PKIB: variants seen among roughly 807,000 people sequenced by gnomAD.
The protein encoded by PKIB is cAMP-dependent protein kinase inhibitor beta.
PKIB carries 2 observed loss-of-function variants against 4.5 expected under a neutral mutation model. The ratio of observed to expected loss-of-function variants is 0.44; its 90% CI spans 0.18 to 1.39. PKIB has a LOEUF of 1.39. PKIB is among the 40% of genes most tolerant of loss of function. The pLI is 0.27. For synonymous variants in PKIB, 38 were observed against 36.0 expected (o/e 1.06, Z -0.20); for missense variants, 94 against 92.6 (o/e 1.02, Z -0.06).
chr6:122,476,135 G>GC (rs940648980), intron 1 of PKIB, among the ~76,000 whole-genome samples: 2 of 151,842 alleles, frequency 1.3e-5, no homozygotes, highest in Non-Finnish European at 1.5e-5. Flanking sequence ...AAACATCTTG[G>GC]CCCCCCCACA....
At chr6:122,635,709 G>T (rs1775894190) in intron 2 of PKIB, among the ~76,000 whole-genome samples, 2 of 152,128 alleles carry the variant, frequency 1.3e-5, no homozygotes, top group African/African-American at 4.8e-5. Context: ...TTATTAAAGT[G>T]ATTTCATAGT....
rs1291269112 is a variant in PKIB, at chr6:122,677,886, CCTTCCTTTCTTT to C, written c.-9+2746_-9+2757del. ...TCCTTCCTTCCTTCCTTCCTTCCTT[CCTTCCTTTCTTT>C]CTTTCTTTCCTCTTTCTTTTTTTGT... On this transcript the variant is annotated intron_variant, in intron 3 of 4. Transcript: ENST00000368452. 4.9e-3 allele frequency among the ~76,000 whole-genome samples: 293 copies of C among 60,022 alleles called. 1 individual carries two copies. Among genetic ancestry groups the C allele is most frequent in the Non-Finnish European group, 0.01 (232 of 22,634 alleles). 39.4% of individuals were successfully genotyped at this position (60,022 alleles called of 152,430 possible). A position where few individuals can be genotyped will look rare whatever the true frequency, so the allele number is the denominator to read the frequency against.
In PKIB at chr6:122,655,794, A is replaced by G. The variant is rs1776756260; in HGVS notation, c.-75-19284A>G. Reference sequence around the variant, plus strand: ...CTTTTTAAAAAATTGGATAGCCTTTATAAGGCTCTCTAATTATTGACTATT... The same window carrying G: ...CTTTTTAAAAAATTGGATAGCCTTTGTAAGGCTCTCTAATTATTGACTATT... On this transcript the variant is annotated intron_variant, in intron 2 of 4. Coordinates refer to ENST00000368452, the MANE Select transcript of PKIB (RefSeq NM_181795.3). Among the ~76,000 whole-genome samples the G allele has an allele frequency of 2.6e-5, 4 of 152,200 alleles. No homozygotes were observed. The South Asian group carries it at 8.3e-4, about 32-fold the overall frequency.
At chr6:122,571,553 C>T (rs528734137) in intron 2 of PKIB, among the ~76,000 whole-genome samples, 190 of 152,186 alleles carry the variant, frequency 1.2e-3, no homozygotes, top group Non-Finnish European at 2.2e-3. Context: ...GCAGATTTCT[C>T]AGCAGAAACC....
At chr6:122,706,204 C>A (rs556332639) in intron 3 of PKIB, among the ~76,000 whole-genome samples, 1 of 152,116 alleles carries the variant, frequency 6.6e-6, no homozygotes, top group Admixed American at 6.5e-5. Context: ...TGAAATATTC[C>A]TTAATCACCC....
chr6:122,511,267 A>C (rs1208019878), intron 2 of PKIB, among the ~76,000 whole-genome samples: 4 of 152,176 alleles, frequency 2.6e-5, no homozygotes, highest in African/African-American at 7.2e-5. Flanking sequence ...TTTTGGAACC[A>C]AGCACAAAAT....
At chr6:122,516,004 C>T (rs908137813) in intron 2 of PKIB, among the ~76,000 whole-genome samples, 8 of 152,294 alleles carry the variant, frequency 5.3e-5, no homozygotes, top group East Asian at 3.9e-4. Context: ...TGAACCACCA[C>T]GCCCGGCCTC....
intron 2 of PKIB, among the ~76,000 whole-genome samples, chr6:122,534,181 T>C (rs141400603): frequency 0.017 from 2,530 of 148,526 alleles, 25 homozygotes; most frequent in Middle Eastern, 0.039. Flanking sequence ...ACATATATAA[T>C]ATATTATATA....
At chr6:122,690,928 A>ATT (rs1191940583) in intron 3 of PKIB, among the ~76,000 whole-genome samples, 3 of 93,134 alleles carry the variant, frequency 3.2e-5, no homozygotes, top group African/African-American at 1.3e-4. Flanking sequence ...ATATATATAT[A>ATT]TATATTTTTT....
chr6:122,640,442 T>A (rs1327711079), intron 2 of PKIB, among the ~76,000 whole-genome samples: 1 of 152,196 alleles, frequency 6.6e-6, no homozygotes. Flanking sequence ...AATTTCTACT[T>A]TGTAGTATTC....
intron 3 of PKIB, among the ~76,000 whole-genome samples, chr6:122,705,768 T>C (rs1562312353): frequency 6.6e-6 from 1 of 152,204 alleles, no homozygotes; most frequent in East Asian, 1.9e-4. Flanking sequence ...GGTTTCACCA[T>C]GTTGGCCAGG....
intron 1 of PKIB, among the ~76,000 whole-genome samples, chr6:122,476,558 T>A (rs961870655): frequency 2.6e-5 from 4 of 152,182 alleles, no homozygotes; most frequent in African/African-American, 9.6e-5. Context: ...TATAATTCCA[T>A]AACAAGCAGA....
chr6:122,596,330 A>T (rs1582723384), intron 3 of PKIB, among the ~76,000 whole-genome samples: 1 of 152,198 alleles, frequency 6.6e-6, no homozygotes, highest in Non-Finnish European at 1.5e-5. Context: ...CCATGAGGCC[A>T]TCGGTGCAGG....
intron 2 of PKIB, among the ~76,000 whole-genome samples, chr6:122,579,006 A>T (rs902478734): frequency 6.6e-6 from 1 of 152,194 alleles, no homozygotes; most frequent in Non-Finnish European, 1.5e-5. Context: ...CCTCCCAGCC[A>T]TGCTGAACTG....
chr6:122,640,996 C>T (rs916378054), intron 2 of PKIB, among the ~76,000 whole-genome samples: 5 of 151,914 alleles, frequency 3.3e-5, no homozygotes, highest in Non-Finnish European at 5.9e-5. Context: ...ATCAATTTCC[C>T]ACCTCCCAAA....
intron 2 of PKIB, chr6:122,478,715 A>G (rs1384032736): frequency 6.6e-6 from 1 of 152,204 alleles, no homozygotes; most frequent in Non-Finnish European, 1.5e-5. Context: ...GGATATTTAT[A>G]TGAATACAAC....
intron 3 of PKIB, among the ~76,000 whole-genome samples, chr6:122,699,545 A>C (rs1182484826): frequency 1.3e-5 from 2 of 152,174 alleles, no homozygotes; most frequent in African/African-American, 4.8e-5. Flanking sequence ...GACAGGCCAA[A>C]CAGGCCAGAT....
At chr6:122,702,548 G>A (rs1582827393) in intron 3 of PKIB, among the ~76,000 whole-genome samples, 1 of 151,974 alleles carries the variant, frequency 6.6e-6, no homozygotes, top group African/African-American at 2.4e-5. Flanking sequence ...TCAAACTCCT[G>A]ACCTCAGGTG....
chr6:122,539,314 G>T (rs1166174363), intron 2 of PKIB, among the ~76,000 whole-genome samples: 1 of 151,996 alleles, frequency 6.6e-6, no homozygotes, highest in Non-Finnish European at 1.5e-5. Flanking sequence ...TATTGGCTGT[G>T]GGTTTGTCAT....
Sources: gnomAD v4.1 joint callset for allele counts (sites outside exome capture counted in the v4.1 genomes callset) on GRCh38, gnomAD v4.1.1 for gene constraint, MANE v1.5 for transcripts, NCBI Gene and HGNC (gene_info 2026-07-23, HGNC 2026-07-21) for gene names.